The following COL27A1 variants were observed in gnomAD, a reference collection of about 807,000 sequenced individuals.
The protein encoded by COL27A1 is collagen type XXVII alpha 1 chain.
COL27A1 carries 106 observed loss-of-function variants against 251.3 expected under a neutral mutation model. The ratio of observed to expected loss-of-function variants is 0.42; its 90% CI spans 0.36 to 0.50. COL27A1 has a LOEUF of 0.50. Ranked by LOEUF, COL27A1 falls within the 20% of genes least tolerant of loss-of-function variation. The pLI is 0.00. For synonymous variants in COL27A1, 1,000 were observed against 986.3 expected, an observed-to-expected ratio of 1.01 and a Z score of -0.26; for missense variants, 2,325 against 2,522.8, an observed-to-expected ratio of 0.92 and a Z score of 1.68.
At chr9:114,283,944 C>T (rs1249124463) in intron 40 of COL27A1, among the ~76,000 whole-genome samples, 182 bp downstream of exon 40, 2 of 152,206 alleles carry the variant, frequency 1.3e-5, no homozygotes, top group African/African-American at 2.4e-5. Flanking sequence ...GGTGGAGGAT[C>T]ATGGATGGGA....
intron 11 of COL27A1, among the ~76,000 whole-genome samples, 187 bp downstream of exon 11, chr9:114,209,915 C>T (rs1830229609): frequency 2.6e-5 from 4 of 152,150 alleles, no homozygotes; most frequent in South Asian, 4.1e-4. Context: ...ACAGCATGTG[C>T]GAAGTCAGGG....
chr9:114,256,419 G>C (rs949375404), intron 27 of COL27A1, among the ~76,000 whole-genome samples: 2 of 152,216 alleles, frequency 1.3e-5, no homozygotes, highest in Non-Finnish European at 2.9e-5. Context: ...TGTGAACCTG[G>C]GAGGCGGAGC....
At chr9:114,307,451 G>C (rs1042949389) in intron 58 of COL27A1, 9 of 559,872 alleles carry the variant, frequency 1.6e-5, no homozygotes, top group Non-Finnish European at 2.6e-5. Flanking sequence ...CAAGTACTTA[G>C]CCATGTGACC....
chr9:114,256,087 G>A (rs932928440), intron 27 of COL27A1, among the ~76,000 whole-genome samples: 5 of 152,166 alleles, frequency 3.3e-5, no homozygotes, highest in African/African-American at 7.2e-5. Flanking sequence ...AGGCTACTAC[G>A]ATTAAAAGTG....
chr9:114,236,927 C>A, intron 17 of COL27A1, 54 bp from the exon 18 acceptor site: 1 of 1,567,668 alleles, frequency 6.4e-7, no homozygotes, highest in Non-Finnish European at 8.8e-7. Context: ...GGCGGCTGTT[C>A]ACCTGGCCAT....
chr9:114,306,247 A>G (rs1243904699), intron 57 of COL27A1: 1 of 346,344 alleles, frequency 2.9e-6, no homozygotes, highest in Non-Finnish European at 5.3e-6. Context: ...CGCCTACCTC[A>G]TTCACGGGGC....
At chr9:114,211,068 AC>A in intron 12 of COL27A1, 42 bp downstream of exon 12, 1 of 1,605,022 alleles carries the variant, frequency 6.2e-7, no homozygotes, top group Non-Finnish European at 8.5e-7. Context: ...CTAGCGGGGA[AC>A]CCCACCTCCC....
rs747786446 is a variant in COL27A1 at position 114,250,681 on chromosome 9, G to C, written c.3033+13G>C. 1.4e-5 allele frequency: 23 copies of C among 1,609,466 alleles called. 1 individual carries two copies. The South Asian group carries it at 2.3e-4, about 16-fold the overall frequency. On this transcript the variant is annotated intron_variant, in intron 25 of 60. Transcript: ENST00000356083. ...CGTGGGAGAAAAGGTAAGTGGTGTT[G>C]AGGGGAAAAGATAAACAATTAGAGC...
intron 41 of COL27A1, among the ~76,000 whole-genome samples, chr9:114,287,828 G>C (rs570289643): frequency 6.6e-6 from 1 of 152,166 alleles, no homozygotes; most frequent in South Asian, 2.1e-4. Flanking sequence ...AGGGACTCTC[G>C]GGTTGAGGGT....
At chr9:114,183,139 C>T (rs987709744) in intron 5 of COL27A1, 64 bp downstream of exon 5, 183 of 1,485,322 alleles carry the variant, frequency 1.2e-4, no homozygotes, top group Non-Finnish European at 1.6e-4. Context: ...GTTTGCAGTG[C>T]TTCCCAGGGG....
intron 49 of COL27A1, 139 bp from the exon 50 acceptor site, chr9:114,299,931 A>T (rs1286236931): frequency 1.4e-6 from 1 of 738,084 alleles, no homozygotes; most frequent in Non-Finnish European, 2.4e-6. Flanking sequence ...GTTCACACTC[A>T]CTTGGTCGCT....
rs192365306 is a variant in COL27A1 at position 114,290,565 on chromosome 9, G to T, written c.4368+234G>T. On this transcript the variant is annotated intron_variant, in intron 47 of 60. Coordinates refer to ENST00000356083, the MANE Select transcript of COL27A1 (RefSeq NM_032888.4). The surrounding 1 kb of genome is among the most constrained non-coding windows in gnomAD (Gnocchi z 4.6). ...CAGAAAGACCTTCCTTTCCTCCCCTGCCTGGTGGATAGGGTTCCTCTCCCG... is the reference window on the plus strand; with the variant it reads ...CAGAAAGACCTTCCTTTCCTCCCCTTCCTGGTGGATAGGGTTCCTCTCCCG... Among the ~76,000 whole-genome samples, 56 of 152,168 alleles carry T rather than the reference G, an allele frequency of 3.7e-4. No individual in the cohort carries two copies. Among genetic ancestry groups the T allele is most frequent in the African/African-American group, 1.3e-3 (53 of 41,496 alleles).
chr9:114,234,158 T>G (rs1832175816), intron 16 of COL27A1, among the ~76,000 whole-genome samples: 1 of 150,054 alleles, frequency 6.7e-6, no homozygotes, highest in African/African-American at 2.5e-5. Context: ...TAAACTTTCC[T>G]TGTTTTTCTA....
In COL27A1 at chr9:114,176,952, C is replaced by T. The variant is rs1326183862; in HGVS notation, c.1909-1339C>T. Among the ~76,000 whole-genome samples the T allele has an allele frequency of 3.3e-5, 5 of 152,280 alleles. No individual in the cohort carries two copies. The South Asian group carries it at 8.3e-4, about 25-fold the overall frequency. On this transcript the variant is annotated intron_variant, in intron 3 of 60. Coordinates refer to ENST00000356083, the MANE Select transcript of COL27A1 (RefSeq NM_032888.4). ...CCAAACCAGACTGGGTTTTCAACACCGATTTTAACTCTGGGCAGGAAATCT... is the reference window on the plus strand; with the variant it reads ...CCAAACCAGACTGGGTTTTCAACACTGATTTTAACTCTGGGCAGGAAATCT...
intron 12 of COL27A1, chr9:114,218,729 G>A (rs1302622275): frequency 6.6e-6 from 1 of 152,154 alleles, no homozygotes; most frequent in Non-Finnish European, 1.5e-5. Context: ...GGCAGGGCCA[G>A]GCTAAACACC....
intron 12 of COL27A1, among the ~76,000 whole-genome samples, chr9:114,216,862 G>A (rs1385688248): frequency 6.6e-6 from 1 of 151,998 alleles, no homozygotes; most frequent in Non-Finnish European, 1.5e-5. Flanking sequence ...ATTCCTTTTT[G>A]CACATTAGCT....
chr9:114,280,251 G>A (rs189392243), intron 37 of COL27A1, among the ~76,000 whole-genome samples: 10 of 149,174 alleles, frequency 6.7e-5, no homozygotes, highest in Non-Finnish European at 7.4e-5. Context: ...TCACTCTGTC[G>A]CCCAGGCTGG....
At chr9:114,301,622 G>T (rs1828643598) in intron 54 of COL27A1, 60 bp from the exon 55 acceptor site, 2 of 1,553,404 alleles carry the variant, frequency 1.3e-6, no homozygotes, top group Admixed American at 1.9e-5. Context: ...GAGGGACTGG[G>T]TTGGGGAGAG....
At chr9:114,200,818 G>C (rs916417873) in intron 7 of COL27A1, among the ~76,000 whole-genome samples, 4 of 152,212 alleles carry the variant, frequency 2.6e-5, no homozygotes, top group Non-Finnish European at 5.9e-5. Flanking sequence ...GGTGTGGGCT[G>C]CCCGGGAGGT....
Sources: gnomAD v4.1 joint callset for allele counts (sites outside exome capture counted in the v4.1 genomes callset) on GRCh38, gnomAD v4.1.1 for gene constraint, Gnocchi (gnomAD v3.1) non-coding constraint, MANE v1.5 for transcripts, NCBI Gene and HGNC (gene_info 2026-07-23, HGNC 2026-07-21) for gene names.